TRPC5: variants seen among roughly 807,000 people sequenced by gnomAD.
TRPC5 encodes short transient receptor potential channel 5.
TRPC5 carries 9 observed loss-of-function variants against 56.5 expected under a neutral mutation model. The observed-to-expected ratio is 0.16, with a 90% CI of 0.10 to 0.28. TRPC5 has a LOEUF of 0.28. Among genes scored for constraint, TRPC5 ranks in the 10% least tolerant of loss-of-function variants. The probability of loss-of-function intolerance (pLI) is 1.00; values close to 1 mark genes in which losing one functional copy is unlikely to be tolerated. For missense variants in TRPC5, 469 were observed against 748.9 expected (o/e 0.63, Z 4.36); for synonymous variants, 282 against 278.5 (o/e 1.01, Z -0.13).
At chrX:111,970,108 GC>G (rs1927739018) in intron 1 of TRPC5, among the ~76,000 whole-genome samples, 1 of 111,076 alleles carries the variant, frequency 9.0e-6, no homozygotes, top group Admixed American at 9.6e-5. Context: ...CCAAGTTTAA[GC>G]CCTGGTGACT....
chrX:111,780,433 C>G (rs1401999687), intron 9 of TRPC5, among the ~76,000 whole-genome samples: 2 of 110,149 alleles, frequency 1.8e-5, no homozygotes, highest in Non-Finnish European at 3.8e-5. Flanking sequence ...TATATATTAC[C>G]ATTACCCTGT....
chrX:112,040,901 G>C (rs140309071), intron 1 of TRPC5, among the ~76,000 whole-genome samples: 194 of 112,386 alleles, frequency 1.7e-3, no homozygotes, highest in African/African-American at 5.8e-3. Flanking sequence ...GAATGGAGCA[G>C]TGAAACAAGT....
In TRPC5 at chrX:112,015,798, T is replaced by A. The variant is rs1158554578; in HGVS notation, c.-21-63357A>T. 3.6e-5 allele frequency among the ~76,000 whole-genome samples: 4 copies of A among 111,749 alleles called. No homozygotes were observed. The East Asian group carries it at 1.1e-3, about 32-fold the overall frequency. On this transcript the variant is annotated intron_variant, in intron 1 of 10. Transcript: ENST00000262839. ...TACAAATGGTGTGCATTAGAGGAACTAAGCAAATGTTCTCCTGGGTAATAG... is the reference window on the plus strand; with the variant it reads ...TACAAATGGTGTGCATTAGAGGAACAAAGCAAATGTTCTCCTGGGTAATAG...
intron 2 of TRPC5, among the ~76,000 whole-genome samples, chrX:111,930,006 C>G (rs937333108): frequency 8.9e-6 from 1 of 112,214 alleles, no homozygotes; most frequent in Non-Finnish European, 1.9e-5. Context: ...CATTCTGCCT[C>G]TGCTCAAACA....
chrX:111,944,303 T>TGTGTGTGTGTGTGTGA (rs1173179815), intron 2 of TRPC5, among the ~76,000 whole-genome samples: 1 of 61,393 alleles, frequency 1.6e-5, no homozygotes, highest in Non-Finnish European at 2.8e-5. Context: ...TGTGTGTGTG[T>TGTGTGTGTGTGTGTGA]GAGAGAGAGA....
intron 1 of TRPC5, among the ~76,000 whole-genome samples, chrX:112,001,619 G>A (rs1569529332): frequency 9.0e-6 from 1 of 111,196 alleles, no homozygotes; most frequent in East Asian, 2.8e-4. Context: ...AAATTAGCCA[G>A]GCATGTTGGT....
chrX:111,900,063 G>A (rs1042062095), intron 3 of TRPC5, among the ~76,000 whole-genome samples: 1 of 111,360 alleles, frequency 9.0e-6, no homozygotes, highest in East Asian at 2.8e-4. Flanking sequence ...CTATACAACT[G>A]AGTGGGTCAA....
intron 1 of TRPC5, among the ~76,000 whole-genome samples, chrX:111,977,676 G>T (rs1927967692): frequency 9.0e-6 from 1 of 111,291 alleles, no homozygotes; most frequent in Non-Finnish European, 1.9e-5. Context: ...AAACAAAAAG[G>T]CAACTCACAG....
At chrX:111,779,400 T>C (rs996600215) in intron 9 of TRPC5, among the ~76,000 whole-genome samples, 2 of 112,216 alleles carry the variant, frequency 1.8e-5, no homozygotes, top group Non-Finnish European at 3.8e-5. Flanking sequence ...TTAACACTCA[T>C]AGTAAAACGA....
chrX:111,791,743 C>A (rs1946022750), intron 7 of TRPC5, among the ~76,000 whole-genome samples: 1 of 112,337 alleles, frequency 8.9e-6, no homozygotes, highest in Non-Finnish European at 1.9e-5. Flanking sequence ...ACCACCCAAG[C>A]TACTGGTCTC....
chrX:111,991,140 A>T (rs887068962), intron 1 of TRPC5, among the ~76,000 whole-genome samples: 2 of 111,746 alleles, frequency 1.8e-5, no homozygotes, highest in Admixed American at 9.5e-5. Context: ...GGGCTGTTAG[A>T]GACCTTCAGT....
At chrX:111,940,258 T>C (rs1391411624) in intron 2 of TRPC5, among the ~76,000 whole-genome samples, 2 of 111,956 alleles carry the variant, frequency 1.8e-5, no homozygotes, top group African/African-American at 3.2e-5. Flanking sequence ...TATTCCATTG[T>C]GGTTCGAGAA....
chrX:112,003,380 T>G (rs1430463406), intron 1 of TRPC5, among the ~76,000 whole-genome samples: 9 of 110,763 alleles, frequency 8.1e-5, no homozygotes, highest in African/African-American at 3.0e-4. Context: ...AAATGATCCA[T>G]CAGAAAAGAA....
intron 6 of TRPC5, among the ~76,000 whole-genome samples, chrX:111,842,440 C>A (rs192864062): frequency 9.0e-6 from 1 of 111,131 alleles, no homozygotes; most frequent in Admixed American, 9.6e-5. Flanking sequence ...GCCCAGCCCA[C>A]TTTCTGTAAT....
intron 1 of TRPC5, among the ~76,000 whole-genome samples, chrX:112,016,525 T>C (rs1162248944): frequency 9.0e-6 from 1 of 111,390 alleles, no homozygotes; most frequent in Admixed American, 9.6e-5. Flanking sequence ...TCAGAAAGCA[T>C]AGTTGGCAGG....
intron 1 of TRPC5, among the ~76,000 whole-genome samples, chrX:112,015,110 G>A (rs1929088941): frequency 9.2e-6 from 1 of 109,084 alleles, no homozygotes; most frequent in African/African-American, 3.4e-5. Context: ...CATGATCTTG[G>A]CTAACTGCAG....
rs748461174 is a variant in TRPC5, at chrX:111,912,368, G to T, written c.823C>A (p.His275Asn). 1.2e-5 allele frequency: 14 copies of T among 1,209,071 alleles called. No individual in the cohort carries two copies. Among genetic ancestry groups the T allele is most frequent in the Non-Finnish European group, 1.6e-5 (14 of 894,994 alleles). Reference protein sequence around the residue: ...LEIILNHRDDHSEELDPQKYH... With the variant: ...LEIILNHRDDNSEELDPQKYH... ...TTCTGAGGGTCAAGCTCTTCACTGT[G>T]GTCATCTCGATGGTTGAGGATGATC... The change falls in exon 3 of 11, where the codon CAC becomes AAC. Residue 275 changes from histidine to asparagine, a missense_variant. His to Asn is a moderately conservative substitution (Grantham distance 68, BLOSUM62 1). Transcript: ENST00000262839.
intron 2 of TRPC5, among the ~76,000 whole-genome samples, chrX:111,939,764 T>A (rs1206809408): frequency 8.9e-6 from 1 of 112,031 alleles, no homozygotes; most frequent in Non-Finnish European, 1.9e-5. Context: ...AATCTCTGAT[T>A]TTATTTATTT....
At chrX:112,052,852 T>G (rs1930249634) in intron 1 of TRPC5, among the ~76,000 whole-genome samples, 1 of 112,174 alleles carries the variant, frequency 8.9e-6, no homozygotes, top group African/African-American at 3.2e-5. Context: ...TTCTCAACTC[T>G]ATTTGTTGAA....
Sources: allele counts gnomAD v4.1 joint callset (sites outside exome capture counted in the v4.1 genomes callset), GRCh38; gene constraint gnomAD v4.1.1; transcripts MANE v1.5; gene names NCBI Gene and HGNC (gene_info 2026-07-23, HGNC 2026-07-21).